SLC45A4: variants seen among roughly 807,000 people sequenced by gnomAD.
SLC45A4 encodes polyamine-transporter SLC45A4.
In SLC45A4, 32 loss-of-function variants were observed where a neutral mutation model predicts 63.7. That is an observed-to-expected ratio of 0.50 (90% confidence interval 0.38 to 0.67). SLC45A4 has a LOEUF of 0.67. Ranked by LOEUF, SLC45A4 falls within the 30% of genes least tolerant of loss-of-function variation. SLC45A4 has a pLI of 0.00. For missense variants in SLC45A4, 1,027 were observed against 1,157.7 expected (o/e 0.89, Z 1.64); for synonymous variants, 535 against 510.0 (o/e 1.05, Z -0.66).
In SLC45A4 at chr8:141,278,458, C is replaced by G. The variant is rs951248419; in HGVS notation, c.-400-23829G>C. The G allele has an allele frequency of 6.6e-6, 1 of 151,058 alleles. No homozygotes were observed. The highest frequency in any genetic ancestry group is 1.5e-5 in the Non-Finnish European group (1 of 68,558). 9.4% of individuals were successfully genotyped at this position (151,058 alleles called of 1,614,324 possible). On this transcript the variant is annotated intron_variant, in intron 1 of 8. Transcript: ENST00000517878. The surrounding 1 kb of genome is among the most constrained non-coding windows in gnomAD (Gnocchi z 4.1). ...GACACTGGCGGGACAGGGGTGAGCA[C>G]AACCCACGAGGACACTGGCGGGACA...
intron 2 of SLC45A4, among the ~76,000 whole-genome samples, chr8:141,251,485 G>A (rs1009429379): frequency 6.6e-6 from 1 of 151,854 alleles, no homozygotes; most frequent in Non-Finnish European, 1.5e-5. Flanking sequence ...CACAGATGTG[G>A]GTTCTGTCCA....
rs532048060 is a variant in SLC45A4, at chr8:141,227,679, G to A, written c.242-5914C>T. Among the ~76,000 whole-genome samples the A allele has an allele frequency of 8.9e-4, 135 of 152,324 alleles. 1 individual carries two copies. The highest frequency in any genetic ancestry group is 3.1e-3 in the African/African-American group (130 of 41,582). On this transcript the variant is annotated intron_variant, in intron 2 of 8. Coordinates refer to ENST00000517878, the MANE Select transcript of SLC45A4 (RefSeq NM_001286646.2). The surrounding 1 kb of genome is among the most constrained non-coding windows in gnomAD (Gnocchi z 4.4). ...CCACTGGCACTGGGCCCCCGGCACT[G>A]AGGCTCTGTGCTGGCGAGGGCCCCA...
chr8:141,266,434 C>T (rs1459664483), intron 1 of SLC45A4, among the ~76,000 whole-genome samples: 1 of 152,142 alleles, frequency 6.6e-6, no homozygotes, highest in Non-Finnish European at 1.5e-5. Context: ...CGGACGGCCC[C>T]GTTCAATCTT....
At chr8:141,250,699 A>T (rs1318446123) in intron 2 of SLC45A4, among the ~76,000 whole-genome samples, 1 of 152,206 alleles carries the variant, frequency 6.6e-6, no homozygotes, top group Non-Finnish European at 1.5e-5. Flanking sequence ...TGTTCTGGGC[A>T]TGGTTAAGGA....
At position 141,215,484 on chromosome 8, in the gene SLC45A4, A is replaced by C. The variant is rs1826083080; in HGVS notation, c.1941+275T>G. 6.6e-6 allele frequency among the ~76,000 whole-genome samples: 1 copy of C among 151,902 alleles called. No individual in the cohort carries two copies. Among genetic ancestry groups the C allele is most frequent in the African/African-American group, 2.4e-5 (1 of 41,334 alleles). On this transcript the variant is annotated intron_variant, in intron 7 of 8. Coordinates refer to ENST00000517878, the MANE Select transcript of SLC45A4 (RefSeq NM_001286646.2). The surrounding 1 kb of genome is among the most constrained non-coding windows in gnomAD (Gnocchi z 4.3). ...GGGAAATGTGACTGGGCCTGAGGGG[A>C]CCAAAGGGGCAGGGACAGTGCTTTT...
At chr8:141,235,413 T>TGGTCTAGCAAG (rs2154614398) in intron 2 of SLC45A4, among the ~76,000 whole-genome samples, 1 of 152,304 alleles carries the variant, frequency 6.6e-6, no homozygotes, top group Admixed American at 6.5e-5. Flanking sequence ...TCGGCTGTCA[T>TGGTCTAGCAAG]GGTCTAGCAA....
At chr8:141,235,930 C>T (rs571977698) in intron 2 of SLC45A4, among the ~76,000 whole-genome samples, 6 of 152,134 alleles carry the variant, frequency 3.9e-5, no homozygotes, top group Non-Finnish European at 7.4e-5. Flanking sequence ...GGTGAAACCC[C>T]GTCTCTACTA....
In SLC45A4 at chr8:141,218,438, A is replaced by G. The variant is rs775520605; in HGVS notation, c.1202T>C (p.Val401Ala). The G allele has an allele frequency of 1.2e-6, 2 of 1,612,096 alleles. No homozygotes were observed. Among genetic ancestry groups the G allele is most frequent in the East Asian group, 2.2e-5 (1 of 44,840 alleles). ...CGACGTGGCCGAGGGCTTCGTGTCC[A>G]CCCTGGTGTAGCCGCCGAGGGCGTC... is the stretch of plus-strand genomic sequence containing the variant. ...TKDALGGYTR[V>A]DTKPSATSSS... is the part of the protein sequence containing the mutation. Residue 401 changes from valine (V) to alanine (A), a missense_variant, in exon 5 of 9, where the codon GTG (valine) becomes GCG (alanine). Coordinates refer to ENST00000517878, the MANE Select transcript of SLC45A4 (RefSeq NM_001286646.2).
chr8:141,258,622 C>T (rs1032584626), intron 1 of SLC45A4, among the ~76,000 whole-genome samples: 1 of 152,216 alleles, frequency 6.6e-6, no homozygotes, highest in Admixed American at 6.5e-5. Flanking sequence ...GTGGTGCACA[C>T]CTGTGATCCC....
At chr8:141,212,106 G>T in intron 8 of SLC45A4, 91 bp downstream of exon 8, 1 of 1,433,734 alleles carries the variant, frequency 7.0e-7, no homozygotes. Context: ...GTTCCGCGGT[G>T]TCTCTGCTCC....
rs761729310 is a variant in SLC45A4, at chr8:141,211,460, G to GC, written c.*111dup. 8 of 1,593,434 alleles carry GC rather than the reference G, an allele frequency of 5.0e-6. No individual in the cohort carries two copies. The highest frequency in any genetic ancestry group is 2.2e-4 in the Middle Eastern group (1 of 4,600). ...CTGCAAATCACTGTCTTCTGCCCAG[G>GC]CCCCCCGGACCAGCCTCCTCCCAGC... On this transcript the variant is annotated 3_prime_UTR_variant, in exon 9 of 9. Coordinates refer to ENST00000517878, the MANE Select transcript of SLC45A4 (RefSeq NM_001286646.2).
intron 1 of SLC45A4, among the ~76,000 whole-genome samples, chr8:141,262,057 A>G (rs1042976463): frequency 5.9e-5 from 9 of 152,210 alleles, no homozygotes; most frequent in African/African-American, 2.2e-4. Context: ...CTCAGAAACA[A>G]TGCCACATAT....
At chr8:141,212,096 G>A (rs1208346387) in intron 8 of SLC45A4, 101 bp downstream of exon 8, 10 of 1,431,108 alleles carry the variant, frequency 7.0e-6, no homozygotes, top group Non-Finnish European at 9.1e-6. Context: ...CATCTGCAGG[G>A]TTCCGCGGTG....
chr8:141,210,885 G>A lies in SLC45A4; in HGVS notation c.*687C>T, dbSNP rs1825764457. ...CTTAGTTCTAAAGAGACTGTGGTTT[G>A]GAAAACATTTCCAAATAGCTGCAGT... is the stretch of plus-strand genomic sequence containing the variant. On this transcript the variant is annotated 3_prime_UTR_variant, in exon 9 of 9. Coordinates refer to ENST00000517878, the MANE Select transcript of SLC45A4 (RefSeq NM_001286646.2). 6.6e-6 allele frequency: 1 copy of A among 152,312 alleles called. No homozygotes were observed. Among genetic ancestry groups the A allele is most frequent in the African/African-American group, 2.4e-5 (1 of 41,438 alleles). 9.4% of individuals were successfully genotyped at this position (152,312 alleles called of 1,614,324 possible). A position where few individuals can be genotyped will look rare whatever the true frequency, so the allele number is the denominator to read the frequency against.
At chr8:141,290,608 G>A (rs994503224) in intron 1 of SLC45A4, among the ~76,000 whole-genome samples, 2 of 152,200 alleles carry the variant, frequency 1.3e-5, no homozygotes, top group African/African-American at 2.4e-5. Flanking sequence ...CAACCCAGGC[G>A]TGAGGACAGC....
chr8:141,277,798 C>T (rs955095901), intron 1 of SLC45A4, among the ~76,000 whole-genome samples: 1 of 152,112 alleles, frequency 6.6e-6, no homozygotes, highest in Non-Finnish European at 1.5e-5. Flanking sequence ...CACCACCACG[C>T]CCGGCTAATT....
In SLC45A4 at chr8:141,212,250, G is replaced by C; in HGVS notation, c.2248C>G (p.Leu750Val). The C allele has an allele frequency of 2.5e-6, 4 of 1,579,170 alleles. No individual in the cohort carries two copies. The highest frequency in any genetic ancestry group is 2.3e-5 in the South Asian group (2 of 85,922). The change falls in exon 8 of 9, where the codon CTG becomes GTG. Residue 750 changes from leucine (L) to valine (V), a missense_variant. By Grantham distance (32) the Leu-to-Val change is conservative. Transcript: ENST00000517878. ...AGGNSEKPTV[L>V]KLTRKEGLQG... ...AGGCCCTCCTTCCGCGTGAGCTTCAGCACGGTGGGCTTTTCGCTGTTCCCA... is the reference window on the plus strand; with the variant it reads ...AGGCCCTCCTTCCGCGTGAGCTTCACCACGGTGGGCTTTTCGCTGTTCCCA...
chr8:141,261,461 T>C (rs891728569), intron 1 of SLC45A4, among the ~76,000 whole-genome samples: 2 of 152,118 alleles, frequency 1.3e-5, no homozygotes, highest in Non-Finnish European at 2.9e-5. Context: ...CATGATTGTA[T>C]ATCTAGAAAA....
chr8:141,263,346 C>G (rs1201477025), intron 1 of SLC45A4, among the ~76,000 whole-genome samples: 1 of 149,282 alleles, frequency 6.7e-6, no homozygotes, highest in African/African-American at 2.5e-5. Context: ...CACATGTACC[C>G]TAAAACTTAA....
Sources: gnomAD v4.1 joint callset for allele counts (sites outside exome capture counted in the v4.1 genomes callset) on GRCh38, gnomAD v4.1.1 for gene constraint, Gnocchi (gnomAD v3.1) non-coding constraint, MANE v1.5 for transcripts, NCBI Gene and HGNC (gene_info 2026-07-23, HGNC 2026-07-21) for gene names.